LRRIQ1: variants seen among roughly 807,000 people sequenced by gnomAD.
LRRIQ1 encodes leucine-rich repeat- and IQ domain-containing protein 1.
A neutral mutation model predicts 211.9 loss-of-function variants in LRRIQ1; 210 were observed. The observed-to-expected ratio is 0.99, with a 90% CI of 0.89 to 1.11. The LOEUF is 1.11. Ranked by LOEUF, LRRIQ1 falls within the 50% of genes most tolerant of loss-of-function variation. The pLI is 0.00. For missense variants in LRRIQ1, 2,136 were observed against 1,939.5 expected (o/e 1.10, Z -1.90); for synonymous variants, 699 against 650.1 (o/e 1.08, Z -1.14).
chr12:85,197,629 G>A (rs1231233997), intron 24 of LRRIQ1, among the ~76,000 whole-genome samples: 8 of 151,346 alleles, frequency 5.3e-5, no homozygotes, highest in African/African-American at 1.9e-4. Context: ...ACTGAACAAT[G>A]AGATCACATG....
intron 8 of LRRIQ1, among the ~76,000 whole-genome samples, chr12:85,063,850 T>C (rs2136046175): frequency 6.6e-6 from 1 of 151,896 alleles, no homozygotes; most frequent in Middle Eastern, 3.4e-3. Context: ...ATCTATATTG[T>C]TGCAAATGGC....
chr12:85,060,495 C>T (rs761136582), intron 8 of LRRIQ1, among the ~76,000 whole-genome samples: 1 of 151,702 alleles, frequency 6.6e-6, no homozygotes, highest in African/African-American at 2.4e-5. Flanking sequence ...TATACCATAA[C>T]GTGAATAATA....
At chr12:85,044,841 A>G in intron 4 of LRRIQ1, 32 bp downstream of exon 4, 10 of 1,011,310 alleles carry the variant, frequency 9.9e-6, no homozygotes, top group Non-Finnish European at 1.5e-5. Context: ...TAAAATATTC[A>G]CTATTACAAT....
intron 24 of LRRIQ1, among the ~76,000 whole-genome samples, chr12:85,193,562 C>A (rs1251092842): frequency 4.1e-5 from 6 of 146,070 alleles, no homozygotes; most frequent in South Asian, 2.3e-4. Context: ...ATTTCATATC[C>A]AGCCAAACTA....
At chr12:85,198,957 G>A (rs1161811366) in intron 24 of LRRIQ1, among the ~76,000 whole-genome samples, 2 of 152,050 alleles carry the variant, frequency 1.3e-5, no homozygotes, top group Non-Finnish European at 2.9e-5. Flanking sequence ...CTTTTTAATG[G>A]GGTTGTTTGT....
At chr12:85,149,668 G>A (rs550267579) in intron 19 of LRRIQ1, among the ~76,000 whole-genome samples, 1 of 151,518 alleles carries the variant, frequency 6.6e-6, no homozygotes, top group Non-Finnish European at 1.5e-5. Flanking sequence ...AGCATACTAG[G>A]TAATGCCAAA....
chr12:85,088,672 A>T (rs1232228084), intron 11 of LRRIQ1, among the ~76,000 whole-genome samples: 5 of 152,046 alleles, frequency 3.3e-5, no homozygotes, highest in Non-Finnish European at 7.4e-5. Flanking sequence ...ATCCCTTGTA[A>T]GTTGGATTCC....
chr12:85,245,807 C>T (rs1565926719), downstream of LRRIQ1, among the ~76,000 whole-genome samples: 6 of 150,406 alleles, frequency 4.0e-5, no homozygotes, highest in Admixed American at 2.7e-4. Flanking sequence ...GTAATTAAGT[C>T]TTTATACTTA....
intron 15 of LRRIQ1, among the ~76,000 whole-genome samples, chr12:85,107,092 C>A (rs1886835043): frequency 6.6e-6 from 1 of 151,958 alleles, no homozygotes. Flanking sequence ...TATTGCAATA[C>A]CTAAATGTAA....
intron 13 of LRRIQ1, among the ~76,000 whole-genome samples, chr12:85,100,620 A>G (rs1036357341): frequency 1.3e-5 from 2 of 151,690 alleles, no homozygotes; most frequent in Non-Finnish European, 3.0e-5. Context: ...ATTGTATAAT[A>G]TATGTGATTT....
downstream of LRRIQ1, among the ~76,000 whole-genome samples, chr12:85,269,266 A>G (rs75954929): frequency 2.5e-4 from 38 of 152,076 alleles, 1 homozygote; most frequent in East Asian, 7.1e-3. Flanking sequence ...CTCTAGGTGG[A>G]AAACTGCTAC....
At position 85,121,388 on chromosome 12, in the gene LRRIQ1, A is replaced by T. The variant is rs1340950026; in HGVS notation, c.3378-309A>T. Among the ~76,000 whole-genome samples, 4 of 152,290 alleles carry T rather than the reference A, an allele frequency of 2.6e-5. No individual in the cohort carries two copies. The East Asian group carries it at 7.7e-4, about 29-fold the overall frequency. ...TTTATCTAATATTATTATTCTTTTC[A>T]TAATGCATCTTTTTACACTCCAAAT... On this transcript the variant is annotated intron_variant, in intron 15 of 26. Transcript: ENST00000393217.
At chr12:85,055,131 A>G (rs539459352) in intron 7 of LRRIQ1, among the ~76,000 whole-genome samples, 4 of 152,092 alleles carry the variant, frequency 2.6e-5, no homozygotes, top group Non-Finnish European at 5.9e-5. Flanking sequence ...TGCAGTCTCA[A>G]TACTAGCTCT....
intron 2 of LRRIQ1, among the ~76,000 whole-genome samples, chr12:85,038,592 A>C (rs1225174289): frequency 6.6e-6 from 1 of 151,716 alleles, no homozygotes; most frequent in African/African-American, 2.4e-5. Context: ...TTGACATATC[A>C]AAATGGTTAC....
intron 24 of LRRIQ1, among the ~76,000 whole-genome samples, chr12:85,210,348 A>C (rs866014683): frequency 3.3e-4 from 51 of 152,328 alleles, no homozygotes; most frequent in African/African-American, 1.1e-3. Flanking sequence ...GCTTACGGAA[A>C]AACTAATATA....
downstream of LRRIQ1, among the ~76,000 whole-genome samples, chr12:85,269,006 CT>C (rs1896480846): frequency 6.6e-6 from 1 of 151,866 alleles, no homozygotes; most frequent in African/African-American, 2.4e-5. Context: ...TTCTATTTAA[CT>C]GACATTGAAG....
intron 1 of LRRIQ1, among the ~76,000 whole-genome samples, chr12:85,256,256 A>G (rs1382879103): frequency 2.0e-5 from 3 of 151,712 alleles, no homozygotes. Flanking sequence ...TTTTGACGAC[A>G]GGATTCATGC....
chr12:85,056,855 A>T lies in LRRIQ1; in HGVS notation c.2062A>T (p.Ser688Cys). The T allele has an allele frequency of 6.2e-7, 1 of 1,613,424 alleles. No homozygotes were observed. The highest frequency in any genetic ancestry group is 8.5e-7 in the Non-Finnish European group (1 of 1,179,582). ...TAGACATGCTCCTTGTGAGGGCTTG[A>T]GTAACTATAATGCAGAAAGCTCCAT... ...LGRHAPCEGL[S>C]NYNAESSMVS... Residue 688 changes from serine (S) to cysteine (C), a missense_variant, in exon 8 of 27, where the codon AGT (serine) becomes TGT (cysteine). Transcript: ENST00000393217.
At chr12:85,241,904 T>G (rs541553552) in intron 26 of LRRIQ1, among the ~76,000 whole-genome samples, 3 of 152,104 alleles carry the variant, frequency 2.0e-5, no homozygotes, top group Middle Eastern at 3.4e-3. Flanking sequence ...AATCTCTTTT[T>G]TAATTAAGTT....
Sources: allele counts gnomAD v4.1 joint callset (sites outside exome capture counted in the v4.1 genomes callset), GRCh38; gene constraint gnomAD v4.1.1; transcripts MANE v1.5; gene names NCBI Gene and HGNC (gene_info 2026-07-23, HGNC 2026-07-21).